Variants in CCDC192 observed in about 807,000 individuals in gnomAD.
The protein encoded by CCDC192 is coiled-coil domain-containing protein 192.
intron 6 of CCDC192, among the ~76,000 whole-genome samples, chr5:127,898,602 C>T (rs1580807968): frequency 6.6e-6 from 1 of 152,054 alleles, no homozygotes; most frequent in Admixed American, 6.6e-5. Flanking sequence ...AGGTGGAATA[C>T]AAGAGAAGGA....
At chr5:127,869,166 T>C (rs916173063) in intron 5 of CCDC192, among the ~76,000 whole-genome samples, 1 of 151,824 alleles carries the variant, frequency 6.6e-6, no homozygotes, top group Non-Finnish European at 1.5e-5. Flanking sequence ...CTACTAAAAA[T>C]ACAAAAAATT....
chr5:127,836,231 T>G (rs903540120), intron 5 of CCDC192, among the ~76,000 whole-genome samples: 9 of 152,208 alleles, frequency 5.9e-5, no homozygotes, highest in African/African-American at 2.2e-4. Context: ...CTTCTTTGAC[T>G]CCATGTCTCA....
chr5:127,707,640 G>T, intron 1 of CCDC192, 69 bp from the exon 2 acceptor site: 2 of 396,666 alleles, frequency 5.0e-6, no homozygotes, highest in East Asian at 7.2e-5. Context: ...TTGTATGTGC[G>T]GGGGTGTGTG....
intron 3 of CCDC192, among the ~76,000 whole-genome samples, chr5:127,757,790 ACACACACACT>A (rs1754686271): frequency 1.0e-5 from 1 of 98,680 alleles, no homozygotes; most frequent in African/African-American, 3.9e-5. Context: ...ACACACACAC[ACACACACACT>A]CTCTCTCTCT....
At chr5:127,715,442 G>A (rs1387047284) in intron 2 of CCDC192, among the ~76,000 whole-genome samples, 2 of 152,088 alleles carry the variant, frequency 1.3e-5, no homozygotes, top group African/African-American at 4.8e-5. Context: ...TAAATGTGTG[G>A]ATTTCTGTAT....
intron 6 of CCDC192, among the ~76,000 whole-genome samples, chr5:127,933,396 CCA>C (rs1754102145): frequency 6.6e-6 from 1 of 152,102 alleles, no homozygotes; most frequent in African/African-American, 2.4e-5. Flanking sequence ...GAGGGAATTA[CCA>C]CTTAAATAAA....
chr5:127,829,756 T>C (rs1424862914), intron 5 of CCDC192, among the ~76,000 whole-genome samples: 1 of 152,198 alleles, frequency 6.6e-6, no homozygotes, highest in Non-Finnish European at 1.5e-5. Flanking sequence ...TGTGTCTTTG[T>C]TGATTTTTAT....
intron 6 of CCDC192, among the ~76,000 whole-genome samples, chr5:127,894,801 G>A (rs957514894): frequency 2.6e-5 from 4 of 152,146 alleles, no homozygotes; most frequent in Admixed American, 1.3e-4. Context: ...CCACAAATTC[G>A]CCCATAGGCT....
chr5:127,906,704 T>TGAGCTC (rs1321771407), intron 6 of CCDC192, among the ~76,000 whole-genome samples: 1 of 152,086 alleles, frequency 6.6e-6, no homozygotes, highest in Non-Finnish European at 1.5e-5. Context: ...GAGGATCACC[T>TGAGCTC]GAGCTCGGGA....
intron 6 of CCDC192, among the ~76,000 whole-genome samples, chr5:127,937,405 TG>T (rs1180521378): frequency 2.0e-5 from 3 of 152,232 alleles, no homozygotes; most frequent in Admixed American, 6.5e-5. Context: ...TAGGCTTGGA[TG>T]GGTTCATGAG....
chr5:127,828,078 C>T (rs59036040), intron 5 of CCDC192, among the ~76,000 whole-genome samples: 2,714 of 152,060 alleles, frequency 0.018, 62 homozygotes, highest in African/African-American at 0.062. Context: ...GGCTAATTTT[C>T]ATATTTTTAG....
chr5:127,798,796 CCAAT>C (rs1042827811), intron 5 of CCDC192, among the ~76,000 whole-genome samples: 25 of 151,538 alleles, frequency 1.6e-4, no homozygotes, highest in Admixed American at 1.4e-3. Context: ...ACCATATAAA[CCAAT>C]CAGACTACAT....
At chr5:127,722,820 T>C (rs1752101583) in intron 2 of CCDC192, among the ~76,000 whole-genome samples, 1 of 152,188 alleles carries the variant, frequency 6.6e-6, no homozygotes, top group Non-Finnish European at 1.5e-5. Context: ...TTGTCTGTTT[T>C]CATTTTTGTG....
At chr5:127,856,401 G>A (rs1273724031) in intron 5 of CCDC192, among the ~76,000 whole-genome samples, 1 of 152,216 alleles carries the variant, frequency 6.6e-6, no homozygotes, top group Non-Finnish European at 1.5e-5. Flanking sequence ...GTTGTGGCTG[G>A]TTTGGTCTTC....
At chr5:127,806,752 C>G (rs1757808836) in intron 5 of CCDC192, among the ~76,000 whole-genome samples, 4 of 152,138 alleles carry the variant, frequency 2.6e-5, no homozygotes, top group Admixed American at 2.6e-4. Flanking sequence ...GCCATTGAGG[C>G]TCACCCAGAA....
chr5:127,760,757 G>C (rs2126887598), intron 3 of CCDC192, among the ~76,000 whole-genome samples: 1 of 140,294 alleles, frequency 7.1e-6, no homozygotes, highest in East Asian at 2.1e-4. Context: ...AAATAATAAT[G>C]CTCCAAGAGC....
intron 3 of CCDC192, among the ~76,000 whole-genome samples, chr5:127,758,463 A>T (rs1481782455): frequency 1.3e-5 from 2 of 152,226 alleles, no homozygotes; most frequent in Non-Finnish European, 2.9e-5. Flanking sequence ...GATAACTTGC[A>T]ATTAAGACTT....
intron 3 of CCDC192, among the ~76,000 whole-genome samples, chr5:127,777,648 C>T (rs1436633119): frequency 6.6e-6 from 1 of 152,168 alleles, no homozygotes; most frequent in East Asian, 1.9e-4. Flanking sequence ...ATTGTAACTC[C>T]TGTAAGTCCC....
intron 6 of CCDC192, among the ~76,000 whole-genome samples, chr5:127,927,845 T>G (rs1753906164): frequency 6.6e-6 from 1 of 152,178 alleles, no homozygotes; most frequent in Admixed American, 6.5e-5. Context: ...TCTTTGGTTT[T>G]TTTTCCCTTC....
Sources: gnomAD v4.1 joint callset for allele counts (sites outside exome capture counted in the v4.1 genomes callset) on GRCh38, gnomAD v4.1.1 for gene constraint, MANE v1.5 for transcripts, NCBI Gene and HGNC (gene_info 2026-07-23, HGNC 2026-07-21) for gene names.